Variants in CNTN1 observed in about 807,000 individuals in gnomAD.
CNTN1 encodes contactin-1.
In CNTN1, 38 loss-of-function variants were observed where a neutral mutation model predicts 126.4. That is an observed-to-expected ratio of 0.30 (90% confidence interval 0.23 to 0.39). The LOEUF is 0.39. Among genes scored for constraint, CNTN1 ranks in the 10% least tolerant of loss-of-function variants. The pLI, the probability that CNTN1 is intolerant of heterozygous loss-of-function variation, is 1.00. For synonymous variants in CNTN1, 413 were observed against 422.6 expected (o/e 0.98, Z 0.28); for missense variants, 1,009 against 1,248.4 (o/e 0.81, Z 2.89).
At chr12:40,821,684 T>C (rs143920088) in intron 1 of CNTN1, among the ~76,000 whole-genome samples, 2 of 152,292 alleles carry the variant, frequency 1.3e-5, no homozygotes, top group East Asian at 3.9e-4. Flanking sequence ...TGTACAAGTA[T>C]CTCAAATTTT....
intron 1 of CNTN1, among the ~76,000 whole-genome samples, chr12:40,743,023 C>T (rs533691225): frequency 2.6e-5 from 4 of 151,986 alleles, no homozygotes; most frequent in Admixed American, 1.3e-4. Flanking sequence ...TATGGGAATG[C>T]GGCGAGCAGG....
At chr12:40,718,571 A>C (rs977027712) in intron 1 of CNTN1, among the ~76,000 whole-genome samples, 3 of 152,138 alleles carry the variant, frequency 2.0e-5, no homozygotes, top group African/African-American at 7.2e-5. Context: ...GGTAGAGCCC[A>C]CTATTTTTGT....
intron 1 of CNTN1, among the ~76,000 whole-genome samples, chr12:40,694,659 A>G (rs1809280940): frequency 1.3e-5 from 2 of 152,228 alleles, no homozygotes; most frequent in Admixed American, 1.3e-4. Flanking sequence ...CTGTGTTTTA[A>G]GAACAAAATT....
chr12:41,005,186 T>C (rs920269192), intron 17 of CNTN1: 8 of 152,200 alleles, frequency 5.3e-5, no homozygotes, highest in Non-Finnish European at 1.0e-4. Context: ...CCTTGGCTTA[T>C]GAAGCTTAGT....
chr12:40,788,898 G>A lies in CNTN1; in HGVS notation c.-77+96306G>A, dbSNP rs143272875. 2.7e-3 allele frequency among the ~76,000 whole-genome samples: 410 copies of A among 152,164 alleles called. 2 individuals carry two copies. The highest frequency in any genetic ancestry group is 8.8e-3 in the African/African-American group (364 of 41,536). The stretch of plus-strand genomic sequence containing the variant: ...TATGTAAAGTACCCGCTACATAGTA[G>A]ACACTTTATACATGTTAATTTTCTC... On this transcript the variant is annotated intron_variant, in intron 1 of 23. Coordinates refer to ENST00000551295, the MANE Select transcript of CNTN1 (RefSeq NM_001843.4).
At chr12:40,964,520 A>G (rs4768326) in intron 15 of CNTN1, among the ~76,000 whole-genome samples, 56,196 of 126,598 alleles carry the variant, frequency 0.44, 10,305 homozygotes, top group Admixed American at 0.49. Context: ...AACACCGTGT[A>G]AGTGAGTGTG....
At chr12:40,866,138 A>G (rs1053230320) in intron 1 of CNTN1, among the ~76,000 whole-genome samples, 1 of 152,038 alleles carries the variant, frequency 6.6e-6, no homozygotes, top group Non-Finnish European at 1.5e-5. Context: ...TATATAGAAT[A>G]TGATTATTTT....
intron 1 of CNTN1, among the ~76,000 whole-genome samples, chr12:40,819,586 C>T (rs149028521): frequency 6.6e-6 from 1 of 152,294 alleles, no homozygotes; most frequent in East Asian, 1.9e-4. Context: ...GCCCTTCCCC[C>T]CGCCCAGGGA....
At position 41,032,322 on chromosome 12, in the gene CNTN1, C is replaced by T. The variant is rs112221697; in HGVS notation, c.2980+3103C>T. Among the ~76,000 whole-genome samples the T allele has an allele frequency of 7.7e-3, 1,153 of 149,768 alleles. 7 individuals carry two copies. The highest frequency in any genetic ancestry group is 0.021 in the Middle Eastern group (6 of 288). ...GGTGGTGCTTGCAGTGAGCCGAAAT[C>T]GCGCCACTGCACTCCAGCCTGGGCG... is the stretch of plus-strand genomic sequence containing the variant. On this transcript the variant is annotated intron_variant, in intron 23 of 23. Coordinates refer to ENST00000551295, the MANE Select transcript of CNTN1 (RefSeq NM_001843.4).
chr12:41,054,843 T>G (rs1164689310), intron 23 of CNTN1, among the ~76,000 whole-genome samples: 1 of 152,114 alleles, frequency 6.6e-6, no homozygotes, highest in Non-Finnish European at 1.5e-5. Context: ...AAAATATTGT[T>G]TCAATCATTT....
In CNTN1 at chr12:40,959,220, A is replaced by C; in HGVS notation, c.1790A>C (p.Asp597Ala). 6.2e-7 allele frequency: 1 copy of C among 1,612,634 alleles called. No individual in the cohort carries two copies. The change falls in exon 15 of 24, where the codon GAC (aspartate) becomes GCC (alanine). Residue 597 changes from aspartate to alanine, a missense_variant. By Grantham distance (126) the Asp-to-Ala change is moderately radical (BLOSUM62 -2). Coordinates refer to ENST00000551295, the MANE Select transcript of CNTN1 (RefSeq NM_001843.4). ...TIVDNSSASADLVVRGPPGPP... is the reference protein window; with the variant it reads ...TIVDNSSASAALVVRGPPGPP... ...GTGGACAATTCTTCAGCTTCAGCTG[A>C]CCTTGTAGTGAGAGGTAAGAGTTTC...
chr12:40,765,308 G>A (rs1454061715), intron 1 of CNTN1, among the ~76,000 whole-genome samples: 1 of 152,126 alleles, frequency 6.6e-6, no homozygotes, highest in Non-Finnish European at 1.5e-5. Flanking sequence ...TTGGCCATGC[G>A]AAGTTTAGAT....
intron 1 of CNTN1, among the ~76,000 whole-genome samples, chr12:40,856,596 C>T (rs897407558): frequency 6.6e-6 from 1 of 151,842 alleles, no homozygotes; most frequent in Non-Finnish European, 1.5e-5. Flanking sequence ...TTCAGAAAGT[C>T]GATTTTGAGG....
chr12:40,877,306 G>T (rs528732277), intron 1 of CNTN1, among the ~76,000 whole-genome samples: 1 of 151,920 alleles, frequency 6.6e-6, no homozygotes, highest in South Asian at 2.1e-4. Context: ...CCAAATGGTA[G>T]AATCAAATAA....
At chr12:40,841,647 C>T (rs1391303881) in intron 1 of CNTN1, among the ~76,000 whole-genome samples, 1 of 151,526 alleles carries the variant, frequency 6.6e-6, no homozygotes, top group African/African-American at 2.4e-5. Flanking sequence ...AAAGGTGATA[C>T]ATTACATTAA....
intron 21 of CNTN1, among the ~76,000 whole-genome samples, chr12:41,026,574 C>A (rs1949041918): frequency 6.6e-6 from 1 of 152,112 alleles, no homozygotes; most frequent in Non-Finnish European, 1.5e-5. Flanking sequence ...TAGTACAAAA[C>A]CTTAAGGTGA....
intron 1 of CNTN1, among the ~76,000 whole-genome samples, chr12:40,888,247 A>G (rs527804669): frequency 2.0e-5 from 3 of 152,258 alleles, no homozygotes; most frequent in South Asian, 2.1e-4. Context: ...GTGATGATTT[A>G]TATGTTCTTA....
At position 40,771,203 on chromosome 12, in the gene CNTN1, G is replaced by A. The variant is rs561832314; in HGVS notation, c.-77+78611G>A. ...TGCTACAATTAGAGAAAAGATTGAG[G>A]CTTGTGAAAGCTTGTTGAATTAGGA... On this transcript the variant is annotated intron_variant, in intron 1 of 23. Transcript: ENST00000551295. Among the ~76,000 whole-genome samples the A allele has an allele frequency of 9.2e-5, 14 of 152,152 alleles. 1 individual carries two copies. Among genetic ancestry groups the A allele is most frequent in the African/African-American group, 3.4e-4 (14 of 41,542 alleles).
chr12:40,738,187 T>A (rs1937776858), intron 1 of CNTN1, among the ~76,000 whole-genome samples: 1 of 152,052 alleles, frequency 6.6e-6, no homozygotes, highest in South Asian at 2.1e-4. Context: ...TAATATGATA[T>A]TTGTTCAGAG....
Sources: gnomAD v4.1 joint callset for allele counts (sites outside exome capture counted in the v4.1 genomes callset) on GRCh38, gnomAD v4.1.1 for gene constraint, MANE v1.5 for transcripts, NCBI Gene and HGNC (gene_info 2026-07-23, HGNC 2026-07-21) for gene names.